The following SMARCA2 variants were observed in gnomAD, a reference collection of about 807,000 sequenced individuals.
The protein encoded by SMARCA2 is SWI/SNF related BAF chromatin remodeling complex subunit ATPase 2.
In SMARCA2, 61 loss-of-function variants were observed where a neutral mutation model predicts 199.8. That is an observed-to-expected ratio of 0.31 (90% CI 0.25 to 0.38). The LOEUF is 0.38. Ranked by LOEUF, SMARCA2 falls within the 10% of genes least tolerant of loss-of-function variation. The pLI, the probability that SMARCA2 is intolerant of heterozygous loss-of-function variation, is 1.00. For missense variants in SMARCA2, 1,344 were observed against 2,012.2 expected (o/e 0.67, Z 6.35); for synonymous variants, 935 against 732.0 (o/e 1.28, Z -4.48).
At chr9:2,059,208 G>T (rs930849377) in intron 8 of SMARCA2, among the ~76,000 whole-genome samples, 9 of 152,194 alleles carry the variant, frequency 5.9e-5, no homozygotes, top group Admixed American at 5.9e-4. Context: ...GAGACCTGCA[G>T]ATTCTATCTA....
chr9:2,061,409 T>C (rs1455375814), intron 9 of SMARCA2, among the ~76,000 whole-genome samples: 1 of 152,182 alleles, frequency 6.6e-6, no homozygotes, highest in Non-Finnish European at 1.5e-5. Flanking sequence ...TAAGCAATAG[T>C]TACTTGGACA....
intron 3 of SMARCA2, among the ~76,000 whole-genome samples, chr9:2,035,437 A>G (rs1819287098): frequency 6.6e-6 from 1 of 152,222 alleles, no homozygotes; most frequent in African/African-American, 2.4e-5. Context: ...CTGTTGTTGC[A>G]GTAGCTCTAA....
At chr9:2,111,046 G>T (rs200541369) in intron 24 of SMARCA2, among the ~76,000 whole-genome samples, 22,612 of 142,000 alleles carry the variant, frequency 0.16, 1,896 homozygotes, top group African/African-American at 0.24. Context: ...TTGATGTTTT[G>T]TTTTTTTTTT....
intron 27 of SMARCA2, among the ~76,000 whole-genome samples, chr9:2,126,063 C>T (rs1022214657): frequency 1.3e-5 from 2 of 152,122 alleles, no homozygotes; most frequent in African/African-American, 4.8e-5. Flanking sequence ...AATGAAAGTA[C>T]AGCCTTAAGA....
intron 27 of SMARCA2, among the ~76,000 whole-genome samples, chr9:2,133,035 G>C (rs940948025): frequency 2.0e-5 from 3 of 152,112 alleles, no homozygotes; most frequent in African/African-American, 7.2e-5. Flanking sequence ...TTAAAACTTT[G>C]ATGCTTGGAA....
In SMARCA2 at chr9:2,077,499, C is replaced by T. The variant is rs559768276; in HGVS notation, c.2037-130C>T. ...CAGATAGTGTATATTAACTGCATGG[C>T]AAGTCGTGGTTGATAAATAAAACAC... On this transcript the variant is annotated intron_variant, in intron 13 of 33. Transcript: ENST00000349721. 4.9e-6 allele frequency: 4 copies of T among 814,772 alleles called. No homozygotes were observed. In the African/African-American group the frequency reaches 6.8e-5, roughly 14 times the overall value. The allele number at this position is 814,772 out of a possible 1,614,324, so 50.5% of individuals were successfully genotyped here.
At chr9:2,108,356 T>G (rs1822851486) in intron 23 of SMARCA2, among the ~76,000 whole-genome samples, 1 of 152,138 alleles carries the variant, frequency 6.6e-6, no homozygotes, top group African/African-American at 2.4e-5. Context: ...GCCTTCAGCT[T>G]CATGGAAAAA....
intron 27 of SMARCA2, among the ~76,000 whole-genome samples, chr9:2,134,819 A>G (rs12001074): frequency 0.045 from 6,797 of 152,196 alleles, 524 homozygotes; most frequent in African/African-American, 0.15. Context: ...AGAGCCCCCT[A>G]GGTCTTTCTA....
intron 29 of SMARCA2, among the ~76,000 whole-genome samples, chr9:2,174,455 T>C (rs944978665): frequency 6.6e-6 from 1 of 152,096 alleles, no homozygotes; most frequent in East Asian, 1.9e-4. Flanking sequence ...CAACAGCCAT[T>C]GTAGGAAAAA....
intron 4 of SMARCA2, chr9:2,043,200 T>G (rs945249464): frequency 2.6e-5 from 4 of 152,234 alleles, no homozygotes; most frequent in African/African-American, 9.6e-5. Context: ...TATTCATGTG[T>G]GAAGAGAATC....
At chr9:2,084,283 T>C in intron 17 of SMARCA2, 87 bp downstream of exon 17, 1 of 676,234 alleles carries the variant, frequency 1.5e-6, no homozygotes, top group African/African-American at 1.8e-5. Flanking sequence ...TGTAATTGGA[T>C]CCTTAGATGG....
chr9:2,089,267 G>T (rs920889769), intron 19 of SMARCA2, among the ~76,000 whole-genome samples: 2 of 152,126 alleles, frequency 1.3e-5, no homozygotes, highest in African/African-American at 4.8e-5. Flanking sequence ...TTTGGGGTTG[G>T]ATGTGAGTAT....
chr9:2,073,976 C>G (rs1821207425), intron 12 of SMARCA2, among the ~76,000 whole-genome samples: 2 of 152,184 alleles, frequency 1.3e-5, no homozygotes, highest in Non-Finnish European at 2.9e-5. Context: ...AAGTGGTTCA[C>G]ATTGAGAATT....
rs199549400 is a variant in SMARCA2 at position 2,077,743 on chromosome 9, C to T, written c.2151C>T (p.Ala717=). The change falls in exon 14 of 34, where the codon GCC becomes GCT. Residue 717 remains alanine (A), a synonymous_variant. Transcript: ENST00000349721. ...CGGAGAGGGTGGAGAAACAGTCTGCCCTCCTAATTAATGGGACCCTAAAGC... is the reference window on the plus strand; with the variant it reads ...CGGAGAGGGTGGAGAAACAGTCTGCTCTCCTAATTAATGGGACCCTAAAGC... ...AISERVEKQS[A]LLINGTLKHY... is the part of the protein sequence containing the mutation. 8.7e-6 allele frequency: 14 copies of T among 1,613,502 alleles called. No individual in the cohort carries two copies. Among genetic ancestry groups the T allele is most frequent in the Middle Eastern group, 1.7e-4 (1 of 6,010 alleles).
intron 31 of SMARCA2, among the ~76,000 whole-genome samples, chr9:2,184,497 A>G (rs10811610): frequency 0.79 from 119,570 of 151,380 alleles, 47,806 homozygotes; most frequent in African/African-American, 0.91. Flanking sequence ...GGATTAAGGC[A>G]TGCACCACCA....
At position 2,104,282 on chromosome 9, in the gene SMARCA2, G is replaced by GA. The variant is rs1396641990; in HGVS notation, c.3292+115dup. On this transcript the variant is annotated intron_variant, in intron 23 of 33. Coordinates refer to ENST00000349721, the MANE Select transcript of SMARCA2 (RefSeq NM_003070.5). This position sits in a 1 kb window ranked among gnomAD's most constrained non-coding sequence, Gnocchi z 4.0. ...AGGGGTAAAATTGAAGAATTGACTA[G>GA]AAGCATTGGGAGCAGTTTTTCTAGA... The GA allele has an allele frequency of 2.2e-5, 21 of 964,696 alleles. No individual in the cohort carries two copies. The highest frequency in any genetic ancestry group is 3.1e-5 in the Non-Finnish European group (20 of 653,826). The allele number at this position is 964,696 out of a possible 1,614,324, so 59.8% of individuals were successfully genotyped here. A position where few individuals can be genotyped will look rare whatever the true frequency, so the allele number is the denominator to read the frequency against.
intron 1 of SMARCA2, among the ~76,000 whole-genome samples, chr9:2,019,816 GTT>G (rs908642152): frequency 7.0e-6 from 1 of 143,516 alleles, no homozygotes; most frequent in African/African-American, 2.5e-5. Context: ...GTGTTTTCTT[GTT>G]TTTTTTTTTT....
At chr9:2,146,739 C>G (rs1241942714) in intron 27 of SMARCA2, among the ~76,000 whole-genome samples, 1 of 152,058 alleles carries the variant, frequency 6.6e-6, no homozygotes, top group Non-Finnish European at 1.5e-5. Context: ...TTCATGCCTC[C>G]CCTTTTTAGA....
intron 28 of SMARCA2, among the ~76,000 whole-genome samples, chr9:2,164,832 A>T (rs1825860337): frequency 6.6e-6 from 1 of 152,226 alleles, no homozygotes; most frequent in African/African-American, 2.4e-5. Flanking sequence ...CTGGTAAGAC[A>T]CATTCTATTA....
Sources: gnomAD v4.1 joint callset for allele counts (sites outside exome capture counted in the v4.1 genomes callset) on GRCh38, gnomAD v4.1.1 for gene constraint, Gnocchi (gnomAD v3.1) non-coding constraint, MANE v1.5 for transcripts, NCBI Gene and HGNC (gene_info 2026-07-23, HGNC 2026-07-21) for gene names.